The following KCNQ5 variants were observed in gnomAD, a reference collection of about 807,000 sequenced individuals.
KCNQ5 encodes the protein potassium voltage-gated channel subfamily Q member 5.
KCNQ5 carries 30 observed loss-of-function variants against 98.2 expected under a neutral mutation model. The observed-to-expected ratio is 0.31, with a 90% confidence interval of 0.23 to 0.41. The LOEUF (loss-of-function observed/expected upper bound fraction) is 0.41. Among genes scored for constraint, KCNQ5 ranks in the 10% least tolerant of loss-of-function variants. The pLI is 1.00. For missense variants in KCNQ5, 835 were observed against 1,182.5 expected, an observed-to-expected ratio of 0.71 and a Z score of 4.31; for synonymous variants, 458 against 449.4, an observed-to-expected ratio of 1.02 and a Z score of -0.24.
At chr6:72,928,072 G>T (rs1765518852) in intron 1 of KCNQ5, among the ~76,000 whole-genome samples, 1 of 152,060 alleles carries the variant, frequency 6.6e-6, no homozygotes, top group African/African-American at 2.4e-5. Context: ...AACTCTTTAA[G>T]CAACAAAAGT....
chr6:73,055,355 C>G, intron 3 of KCNQ5: 1 of 1,450,552 alleles, frequency 6.9e-7, no homozygotes, highest in Non-Finnish European at 9.6e-7. Flanking sequence ...CCTCAATGAG[C>G]AGCACTATGG....
intron 1 of KCNQ5, among the ~76,000 whole-genome samples, chr6:72,804,749 T>C (rs1428451794): frequency 1.3e-5 from 2 of 152,154 alleles, no homozygotes; most frequent in African/African-American, 4.8e-5. Flanking sequence ...CTGTTCTCCA[T>C]AGTGATTGTA....
chr6:73,172,660 A>C (rs1413007615), intron 11 of KCNQ5, among the ~76,000 whole-genome samples: 1 of 152,204 alleles, frequency 6.6e-6, no homozygotes, highest in African/African-American at 2.4e-5. Flanking sequence ...CACCTCTTGC[A>C]GCTCCCCTGA....
Position 72,862,196 on chromosome 6 carries a change from G to T in KCNQ5, c.399-141712G>T, listed in dbSNP as rs1777792908. Among the ~76,000 whole-genome samples the T allele has an allele frequency of 2.0e-5, 3 of 152,222 alleles. No individual in the cohort carries two copies. In the South Asian group the frequency reaches 6.2e-4, roughly 31 times the overall value. On this transcript the variant is annotated intron_variant, in intron 1 of 13. Coordinates refer to ENST00000370398, the MANE Select transcript of KCNQ5 (RefSeq NM_019842.4). ...GGTTGTCACCTGGATCCAGTCAGCTGTAGCTGGGCTAACTGGGGAGGGTCC... is the reference window on the plus strand; with the variant it reads ...GGTTGTCACCTGGATCCAGTCAGCTTTAGCTGGGCTAACTGGGGAGGGTCC...
chr6:73,170,665 G>A (rs992594776), intron 11 of KCNQ5, among the ~76,000 whole-genome samples: 3 of 152,054 alleles, frequency 2.0e-5, no homozygotes, highest in African/African-American at 7.2e-5. Context: ...CAGGTGCAGT[G>A]CCTCATGCCT....
At chr6:72,626,826 G>C (rs181887482) in intron 1 of KCNQ5, among the ~76,000 whole-genome samples, 2 of 152,302 alleles carry the variant, frequency 1.3e-5, no homozygotes, top group African/African-American at 4.8e-5. Context: ...TGAGAAGGAG[G>C]AGTTTAACCA....
chr6:72,855,239 A>G (rs1411853271), intron 1 of KCNQ5, among the ~76,000 whole-genome samples: 3 of 152,064 alleles, frequency 2.0e-5, no homozygotes, highest in Non-Finnish European at 4.4e-5. Context: ...AATTAAAACT[A>G]TTTGAAATTT....
intron 10 of KCNQ5, among the ~76,000 whole-genome samples, chr6:73,160,351 G>T (rs1397538323): frequency 1.3e-5 from 2 of 152,102 alleles, no homozygotes; most frequent in African/African-American, 2.4e-5. Context: ...TTTTATTTTT[G>T]TCTGTGACTG....
intron 5 of KCNQ5, among the ~76,000 whole-genome samples, chr6:73,085,409 A>C (rs1773946116): frequency 6.6e-6 from 1 of 152,182 alleles, no homozygotes; most frequent in Non-Finnish European, 1.5e-5. Context: ...CCCTGTTGCC[A>C]GATCCTTCCC....
At chr6:73,120,642 C>A (rs771103221) in intron 8 of KCNQ5, 65 bp downstream of exon 8, 90 of 978,378 alleles carry the variant, frequency 9.2e-5, no homozygotes, top group Admixed American at 5.3e-4. Flanking sequence ...ACAAACCATA[C>A]CCACACACAC....
At chr6:73,154,023 A>G (rs1777257340) in intron 10 of KCNQ5, among the ~76,000 whole-genome samples, 1 of 152,196 alleles carries the variant, frequency 6.6e-6, no homozygotes, top group African/African-American at 2.4e-5. Flanking sequence ...AAAAGCTCAA[A>G]AGGATATTTA....
chr6:72,744,903 G>A (rs7741534), intron 1 of KCNQ5, among the ~76,000 whole-genome samples: 1 of 152,084 alleles, frequency 6.6e-6, no homozygotes. Flanking sequence ...AATGGGGAAG[G>A]TTTTTTGGGA....
intron 7 of KCNQ5, among the ~76,000 whole-genome samples, chr6:73,116,477 G>A (rs1157242310): frequency 6.6e-6 from 1 of 152,098 alleles, no homozygotes; most frequent in Non-Finnish European, 1.5e-5. Flanking sequence ...ACCAACCTGT[G>A]CAACATAGCG....
chr6:72,686,929 G>A (rs1017259619), intron 1 of KCNQ5, among the ~76,000 whole-genome samples: 1 of 151,880 alleles, frequency 6.6e-6, no homozygotes, highest in African/African-American at 2.4e-5. Flanking sequence ...AGTCATAAAA[G>A]GGCTAAATTA....
intron 1 of KCNQ5, among the ~76,000 whole-genome samples, chr6:72,801,240 A>G (rs1230082113): frequency 1.4e-5 from 2 of 147,778 alleles, no homozygotes; most frequent in East Asian, 2.0e-4. Flanking sequence ...AAAGTCTCCC[A>G]TTATTATTGT....
At chr6:73,114,263 A>C (rs1562187025) in intron 7 of KCNQ5, among the ~76,000 whole-genome samples, 1 of 152,146 alleles carries the variant, frequency 6.6e-6, no homozygotes, top group Non-Finnish European at 1.5e-5. Flanking sequence ...TTACCCAATA[A>C]ACCTGACTTG....
intron 1 of KCNQ5, among the ~76,000 whole-genome samples, chr6:72,980,079 C>T (rs1239735718): frequency 6.6e-6 from 1 of 152,122 alleles, no homozygotes; most frequent in African/African-American, 2.4e-5. Context: ...GTTACTGTAG[C>T]CTTGTAGTAT....
intron 3 of KCNQ5, among the ~76,000 whole-genome samples, chr6:73,047,178 A>G (rs1772004941): frequency 6.6e-6 from 1 of 152,220 alleles, no homozygotes; most frequent in Non-Finnish European, 1.5e-5. Flanking sequence ...AAACAGAAGA[A>G]CATGATACTA....
chr6:72,912,430 T>G (rs966413302), intron 1 of KCNQ5, among the ~76,000 whole-genome samples: 1 of 152,194 alleles, frequency 6.6e-6, no homozygotes, highest in East Asian at 1.9e-4. Flanking sequence ...TGTTTGTGAT[T>G]TACCAGCACT....
Sources: gnomAD v4.1 joint callset for allele counts (sites outside exome capture counted in the v4.1 genomes callset) on GRCh38, gnomAD v4.1.1 for gene constraint, MANE v1.5 for transcripts, NCBI Gene and HGNC (gene_info 2026-07-23, HGNC 2026-07-21) for gene names.